C10orf90: variants seen among roughly 807,000 people sequenced by gnomAD.
C10orf90 encodes (E2-independent) E3 ubiquitin-conjugating enzyme FATS.
Under a neutral mutation model 62.5 loss-of-function variants are expected in C10orf90, and 56 were observed. That is an observed-to-expected ratio of 0.90 (90% CI 0.72 to 1.12). The LOEUF is 1.12. Among genes scored for constraint, C10orf90 ranks in the 50% most tolerant of loss-of-function variants. C10orf90 has a pLI of 0.00. For missense variants in C10orf90, 970 were observed against 880.4 expected (o/e 1.10, Z -1.29); for synonymous variants, 386 against 340.4 (o/e 1.13, Z -1.47).
At chr10:126,489,606 C>T (rs375156743) in intron 4 of C10orf90, among the ~76,000 whole-genome samples, 1 of 152,024 alleles carries the variant, frequency 6.6e-6, no homozygotes, top group Non-Finnish European at 1.5e-5. Context: ...GAAATTAGAA[C>T]CCTTGTGCAT....
rs1859356528 is a variant in C10orf90, at chr10:126,453,807, G to A, written c.2188+5233C>T. Among the ~76,000 whole-genome samples, 1 of 152,214 alleles carries A rather than the reference G, an allele frequency of 6.6e-6. No individual in the cohort carries two copies. The highest frequency in any genetic ancestry group is 2.1e-4 in the South Asian group (1 of 4,826). On this transcript the variant is annotated intron_variant, in intron 7 of 9. Transcript: ENST00000488181. The surrounding 1 kb of genome is among the most constrained non-coding windows in gnomAD (Gnocchi z 4.9). ...GGCTGGACTTGAGAGGGGCTTGCAA[G>A]GTTAGGCAGGATTTTATAGCACAGA...
chr10:126,665,922 G>A (rs1846618231), intron 1 of C10orf90, among the ~76,000 whole-genome samples: 1 of 152,156 alleles, frequency 6.6e-6, no homozygotes, highest in Non-Finnish European at 1.5e-5. Flanking sequence ...CTGAAACCAA[G>A]AAAAGAACTT....
At chr10:126,468,945 C>T (rs1860429786) in intron 4 of C10orf90, among the ~76,000 whole-genome samples, 1 of 152,190 alleles carries the variant, frequency 6.6e-6, no homozygotes, top group Non-Finnish European at 1.5e-5. Context: ...ATTATCTCTC[C>T]AAATGTACAA....
At chr10:126,627,603 T>C (rs1368919093) in intron 2 of C10orf90, among the ~76,000 whole-genome samples, 1 of 152,216 alleles carries the variant, frequency 6.6e-6, no homozygotes, top group Non-Finnish European at 1.5e-5. Flanking sequence ...GGAGATTTGC[T>C]GTTAGAATAC....
chr10:126,491,196 CA>C (rs372396671), intron 4 of C10orf90, among the ~76,000 whole-genome samples: 27 of 152,272 alleles, frequency 1.8e-4, no homozygotes, highest in African/African-American at 6.3e-4. Context: ...GGAAGAATTT[CA>C]AAAGCATTAG....
At chr10:126,466,173 T>TA in intron 4 of C10orf90, among the ~76,000 whole-genome samples, 1 of 152,112 alleles carries the variant, frequency 6.6e-6, no homozygotes, top group South Asian at 2.1e-4. Flanking sequence ...CCACCATTGC[T>TA]GCCAGTGGGA....
intron 2 of C10orf90, among the ~76,000 whole-genome samples, chr10:126,560,888 T>G (rs554162030): frequency 5.1e-4 from 78 of 152,368 alleles, no homozygotes; most frequent in Non-Finnish European, 7.9e-4. Context: ...AGATTATGCT[T>G]CTTTTAATCC....
Position 126,433,219 on chromosome 10 carries a change from C to G in C10orf90, c.2189-3369G>C, listed in dbSNP as rs368462271. ...CATTTGACAATTGTAAAGTTTTTAT[C>G]TCCTTGGTGCTAAGCGATAGGGACA... is the stretch of plus-strand genomic sequence containing the variant. On this transcript the variant is annotated intron_variant, in intron 7 of 9. Transcript: ENST00000488181. 8.9e-4 allele frequency among the ~76,000 whole-genome samples: 135 copies of G among 152,178 alleles called. 3 individuals are homozygous for G. The South Asian group carries it at 0.021, about 24-fold the overall frequency.
intron 4 of C10orf90, among the ~76,000 whole-genome samples, chr10:126,493,864 C>T (rs1426986784): frequency 1.3e-5 from 2 of 152,202 alleles, no homozygotes; most frequent in Middle Eastern, 3.2e-3. Context: ...ATTCCATCAG[C>T]GTAAATTCTC....
chr10:126,431,549 C>T (rs1264350248), intron 7 of C10orf90, among the ~76,000 whole-genome samples: 1 of 152,186 alleles, frequency 6.6e-6, no homozygotes, highest in Non-Finnish European at 1.5e-5. Context: ...CAGGCCCTTG[C>T]TCAAGCAAAT....
chr10:126,504,736 A>G lies in C10orf90; in HGVS notation c.755T>C (p.Val252Ala), dbSNP rs2133888003. ...RRVGPPARAL[V>A]WGTAGDSLCP... ...CAGAGAGTCCCCAGCAGTCCCCCAC[A>G]CCAGGGCGCGGGCTGGGGGGCCCAC... is the stretch of plus-strand genomic sequence containing the variant. Residue 252 changes from valine (V) to alanine (A), a missense_variant, in exon 4 of 10, where the codon GTG becomes GCG. Val to Ala is a moderately conservative substitution (Grantham distance 64). Transcript: ENST00000488181. This position sits in a 1 kb window ranked among gnomAD's most constrained non-coding sequence, Gnocchi z 4.1. The G allele has an allele frequency of 6.3e-7, 1 of 1,599,618 alleles. No individual in the cohort carries two copies. Among genetic ancestry groups the G allele is most frequent in the South Asian group, 1.1e-5 (1 of 89,330 alleles).
At chr10:126,460,924 A>G (rs1859931578) in intron 6 of C10orf90, among the ~76,000 whole-genome samples, 1 of 152,142 alleles carries the variant, frequency 6.6e-6, no homozygotes, top group African/African-American at 2.4e-5. Context: ...TGCATACTAC[A>G]TTTTATAAAA....
chr10:126,504,719 C>A lies in C10orf90; in HGVS notation c.772G>T (p.Asp258Tyr). The A allele has an allele frequency of 1.9e-6, 3 of 1,606,186 alleles. 1 individual carries two copies. The South Asian group carries it at 3.3e-5, about 18-fold the overall frequency. ...GCCCTGCACTTGGGGCACAGAGAGT[C>A]CCCAGCAGTCCCCCACACCAGGGCG... ...ARALVWGTAGDSLCPKCRAED... is the reference protein window; with the variant it reads ...ARALVWGTAGYSLCPKCRAED... Residue 258 changes from aspartate to tyrosine, a missense_variant, in exon 4 of 10, where the codon GAC becomes TAC. Coordinates refer to ENST00000488181, the MANE Select transcript of C10orf90 (RefSeq NM_001350921.2). This position sits in a 1 kb window ranked among gnomAD's most constrained non-coding sequence, Gnocchi z 4.1.
At chr10:126,587,390 G>A (rs999894139) in intron 2 of C10orf90, among the ~76,000 whole-genome samples, 35 of 152,266 alleles carry the variant, frequency 2.3e-4, no homozygotes, top group African/African-American at 8.4e-4. Flanking sequence ...TGAGGTCAGG[G>A]TGCCCACATT....
At chr10:126,625,141 T>A (rs1335613550) in intron 2 of C10orf90, among the ~76,000 whole-genome samples, 1 of 152,030 alleles carries the variant, frequency 6.6e-6, no homozygotes, top group East Asian at 1.9e-4. Flanking sequence ...GTGGAGCAAT[T>A]GTACCTAAGC....
intron 4 of C10orf90, among the ~76,000 whole-genome samples, chr10:126,502,269 AT>A (rs1862451198): frequency 6.6e-6 from 1 of 152,234 alleles, no homozygotes; most frequent in South Asian, 2.1e-4. Flanking sequence ...TAAAAAAGGT[AT>A]TCAAGACTCC....
At chr10:126,652,811 A>G (rs1846316895) in intron 1 of C10orf90, among the ~76,000 whole-genome samples, 1 of 152,196 alleles carries the variant, frequency 6.6e-6, no homozygotes. Flanking sequence ...CAGATTACTT[A>G]AGTATTCCTT....
intron 7 of C10orf90, among the ~76,000 whole-genome samples, chr10:126,438,857 C>T (rs555953865): frequency 2.0e-4 from 31 of 151,928 alleles, no homozygotes; most frequent in African/African-American, 6.5e-4. Context: ...GTGGGAGTGC[C>T]GATGCCTGAG....
At chr10:126,492,187 C>G (rs1861802781) in intron 4 of C10orf90, among the ~76,000 whole-genome samples, 1 of 152,070 alleles carries the variant, frequency 6.6e-6, no homozygotes, top group African/African-American at 2.4e-5. Context: ...CATTTGGGAC[C>G]AATTTTGCTC....
Sources: allele counts gnomAD v4.1 joint callset (sites outside exome capture counted in the v4.1 genomes callset), GRCh38; gene constraint gnomAD v4.1.1; non-coding constraint Gnocchi (gnomAD v3.1); transcripts MANE v1.5; gene names NCBI Gene and HGNC (gene_info 2026-07-23, HGNC 2026-07-21).